CNBD1: variants seen among roughly 807,000 people sequenced by gnomAD.
CNBD1 encodes the protein cyclic nucleotide-binding domain-containing protein 1.
CNBD1 carries 71 observed loss-of-function variants against 54.4 expected under a neutral mutation model. The ratio of observed to expected loss-of-function variants is 1.30; its 90% CI spans 1.08 to 1.59. The LOEUF (loss-of-function observed/expected upper bound fraction) is 1.59, where lower values mean the gene tolerates loss of function less well. Ranked by LOEUF, CNBD1 falls within the 40% of genes most tolerant of loss-of-function variation. The probability of loss-of-function intolerance (pLI) is 0.00; values close to 1 mark genes in which losing one functional copy is unlikely to be tolerated. For missense variants in CNBD1, 659 were observed against 518.0 expected (o/e 1.27, Z -2.64); for synonymous variants, 182 against 170.7 (o/e 1.07, Z -0.51).
intron 4 of CNBD1, among the ~76,000 whole-genome samples, chr8:87,203,908 C>T (rs946188944): frequency 8.5e-5 from 13 of 152,150 alleles, no homozygotes; most frequent in Non-Finnish European, 1.2e-4. Flanking sequence ...TTCAGAGCAA[C>T]ATTGCTGTTT....
At chr8:86,993,601 G>C (rs990511291) in intron 4 of CNBD1, among the ~76,000 whole-genome samples, 1 of 152,130 alleles carries the variant, frequency 6.6e-6, no homozygotes, top group African/African-American at 2.4e-5. Context: ...CTTTACTGTG[G>C]TGTAATTTGA....
chr8:87,059,646 G>A (rs955571083), intron 4 of CNBD1, among the ~76,000 whole-genome samples: 8 of 152,190 alleles, frequency 5.3e-5, no homozygotes, highest in Non-Finnish European at 1.2e-4. Context: ...GATCTTGTGA[G>A]AACTCACTCA....
At chr8:87,321,345 T>C (rs909988598) in intron 8 of CNBD1, among the ~76,000 whole-genome samples, 1 of 152,198 alleles carries the variant, frequency 6.6e-6, no homozygotes, top group Non-Finnish European at 1.5e-5. Context: ...TTTGTAGTTT[T>C]CTGGTTTGTG....
At chr8:87,326,255 C>G (rs1361313661) in intron 8 of CNBD1, among the ~76,000 whole-genome samples, 1 of 121,840 alleles carries the variant, frequency 8.2e-6, no homozygotes. Flanking sequence ...TTCATTTCAA[C>G]TTTGGTGAAT....
chr8:87,382,086 T>TAAAAAA (rs1279555627), intron 10 of CNBD1, among the ~76,000 whole-genome samples: 1 of 151,888 alleles, frequency 6.6e-6, no homozygotes, highest in African/African-American at 2.4e-5. Context: ...TAAAAAACTA[T>TAAAAAA]AAAAATGTTA....
At chr8:87,148,723 A>C (rs527630164) in intron 4 of CNBD1, among the ~76,000 whole-genome samples, 28 of 152,334 alleles carry the variant, frequency 1.8e-4, no homozygotes, top group African/African-American at 6.7e-4. Context: ...ATCTGGATCC[A>C]ACTCAAAATA....
At chr8:87,023,050 G>A (rs969696835) in intron 4 of CNBD1, among the ~76,000 whole-genome samples, 1 of 151,520 alleles carries the variant, frequency 6.6e-6, no homozygotes, top group African/African-American at 2.5e-5. Context: ...GAGACTAATT[G>A]TTCTCAGTGT....
chr8:87,321,964 C>G lies in CNBD1; in HGVS notation c.1043-29721C>G, dbSNP rs1390698533. The stretch of plus-strand genomic sequence containing the variant: ...GCTATGCCTCCCCGCTCCCCCCACC[C>G]CACCACAGTCCCCAGAGTGTGATAT... On this transcript the variant is annotated intron_variant, in intron 8 of 10. Coordinates refer to ENST00000518476, the MANE Select transcript of CNBD1 (RefSeq NM_173538.3). 4.1e-5 allele frequency among the ~76,000 whole-genome samples: 6 copies of G among 146,690 alleles called. No homozygotes were observed. In the South Asian group the frequency reaches 6.5e-4, roughly 16 times the overall value.
At chr8:87,245,438 C>T (rs563125146) in intron 6 of CNBD1, among the ~76,000 whole-genome samples, 2 of 150,492 alleles carry the variant, frequency 1.3e-5, no homozygotes, top group South Asian at 2.1e-4. Context: ...GAAACATACA[C>T]TTAAATACAA....
At position 87,374,510 on chromosome 8, in the gene CNBD1, G is replaced by T. The variant is rs539381200; in HGVS notation, c.1304-8110G>T. On this transcript the variant is annotated intron_variant, in intron 10 of 10. Transcript: ENST00000518476. ...TTCATTGCCCGTCTTTACATACCCA[G>T]TTGGGTTCTAGACTGGTACACCTTG... is the stretch of plus-strand genomic sequence containing the variant. Among the ~76,000 whole-genome samples the T allele has an allele frequency of 2.0e-5, 3 of 151,860 alleles. No individual in the cohort carries two copies. The East Asian group carries it at 5.8e-4, about 29-fold the overall frequency.
intron 6 of CNBD1, among the ~76,000 whole-genome samples, chr8:87,269,912 G>A (rs1394806766): frequency 6.6e-6 from 1 of 151,964 alleles, no homozygotes; most frequent in Non-Finnish European, 1.5e-5. Context: ...ATTGTATGAA[G>A]CCAGCATCAT....
At chr8:87,376,580 G>A (rs912329053) in intron 10 of CNBD1, among the ~76,000 whole-genome samples, 14 of 151,930 alleles carry the variant, frequency 9.2e-5, no homozygotes, top group South Asian at 4.2e-4. Flanking sequence ...AACATGCTTC[G>A]CACACATTTG....
chr8:87,029,762 A>ATTT (rs149626317), intron 4 of CNBD1, among the ~76,000 whole-genome samples: 4,590 of 152,220 alleles, frequency 0.03, 236 homozygotes, highest in African/African-American at 0.1. Context: ...ATGGAAAATA[A>ATTT]TTATGTTATT....
At chr8:86,895,398 A>G (rs987302689) in intron 2 of CNBD1, among the ~76,000 whole-genome samples, 2 of 152,170 alleles carry the variant, frequency 1.3e-5, no homozygotes, top group Non-Finnish European at 2.9e-5. Flanking sequence ...AGTTTTAGCA[A>G]TTACAAATAA....
chr8:87,308,873 A>C (rs1462082087), intron 8 of CNBD1, among the ~76,000 whole-genome samples: 4 of 152,096 alleles, frequency 2.6e-5, no homozygotes, highest in Non-Finnish European at 4.4e-5. Context: ...TATTTCATTT[A>C]ATATACCGAC....
intron 2 of CNBD1, among the ~76,000 whole-genome samples, chr8:87,406,482 T>TACAC (rs1563589764): frequency 0.012 from 1,772 of 142,596 alleles, 30 homozygotes; most frequent in African/African-American, 0.047. Flanking sequence ...ACACACACTT[T>TACAC]TTTTTTTTTT....
intron 6 of CNBD1, among the ~76,000 whole-genome samples, chr8:87,266,438 C>CTTTTT (rs72293236): frequency 0.032 from 1,603 of 50,210 alleles, 263 homozygotes; most frequent in Middle Eastern, 0.075. Context: ...AAAAAAAAAT[C>CTTTTT]TTTTTTTTTT....
chr8:86,910,980 T>C (rs1400179813), intron 3 of CNBD1, among the ~76,000 whole-genome samples: 7 of 152,192 alleles, frequency 4.6e-5, no homozygotes, highest in Non-Finnish European at 8.8e-5. Context: ...CACGAAGAAC[T>C]GGTTAGGATT....
rs556209302 is a variant in CNBD1, at chr8:87,226,606, T to G, written c.578-10313T>G. 8.0e-3 allele frequency among the ~76,000 whole-genome samples: 1,196 copies of G among 149,680 alleles called. 29 individuals are homozygous for G. The highest frequency in any genetic ancestry group is 0.024 in the African/African-American group (933 of 39,382). On this transcript the variant is annotated intron_variant, in intron 5 of 10. Coordinates refer to ENST00000518476, the MANE Select transcript of CNBD1 (RefSeq NM_173538.3). ...TTTGATTGCACTGTGGTCTGAGAGA[T>G]AGTTTGTTGTAATTTCTGTTCTTTT...
Sources: allele counts gnomAD v4.1 joint callset (sites outside exome capture counted in the v4.1 genomes callset), GRCh38; gene constraint gnomAD v4.1.1; transcripts MANE v1.5; gene names NCBI Gene and HGNC (gene_info 2026-07-23, HGNC 2026-07-21).